ARL15: variants seen among roughly 807,000 people sequenced by gnomAD.
ARL15 encodes ARF like GTPase 15, also known as ADP-ribosylation factor-like protein 15.
A neutral mutation model predicts 25.2 loss-of-function variants in ARL15; 19 were observed. The ratio of observed to expected loss-of-function variants is 0.75; its 90% CI spans 0.53 to 1.10. The LOEUF (loss-of-function observed/expected upper bound fraction) is 1.10. ARL15 is among the 50% of genes least tolerant of loss of function. The pLI is 0.00. For synonymous variants in ARL15, 94 were observed against 86.8 expected, an observed-to-expected ratio of 1.08 and a Z score of -0.46; for missense variants, 220 against 246.0, an observed-to-expected ratio of 0.89 and a Z score of 0.71.
intron 4 of ARL15, among the ~76,000 whole-genome samples, chr5:53,915,937 T>C (rs188524456): frequency 6.6e-6 from 1 of 152,312 alleles, no homozygotes; most frequent in East Asian, 1.9e-4. Context: ...TTCTAAAACT[T>C]GCTCTTTCAC....
intron 4 of ARL15, among the ~76,000 whole-genome samples, chr5:54,101,442 A>G (rs760725736): frequency 6.6e-6 from 1 of 151,714 alleles, no homozygotes; most frequent in Non-Finnish European, 1.5e-5. Flanking sequence ...AAAGTCAGTC[A>G]TTGCTTCAAC....
chr5:53,910,024 A>G (rs1211074013), intron 4 of ARL15, among the ~76,000 whole-genome samples: 1 of 152,234 alleles, frequency 6.6e-6, no homozygotes, highest in East Asian at 1.9e-4. Context: ...TTTTAAGTCA[A>G]TAATAATTTA....
intron 1 of ARL15, among the ~76,000 whole-genome samples, chr5:54,259,518 C>T (rs577755686): frequency 5.9e-5 from 9 of 152,048 alleles, no homozygotes; most frequent in Non-Finnish European, 8.8e-5. Context: ...CCTGAAGTGA[C>T]GGCAAGTGAA....
At chr5:53,917,897 C>T (rs1012249505) in intron 4 of ARL15, among the ~76,000 whole-genome samples, 21 of 152,142 alleles carry the variant, frequency 1.4e-4, no homozygotes, top group Admixed American at 1.3e-3. Flanking sequence ...TTCCTTAAAA[C>T]GCTTTTGGTA....
chr5:54,108,815 T>C (rs1159228965), intron 4 of ARL15, among the ~76,000 whole-genome samples: 1 of 152,008 alleles, frequency 6.6e-6, no homozygotes, highest in Non-Finnish European at 1.5e-5. Context: ...TAAGTAGTTA[T>C]AATTAAATGT....
At chr5:53,980,568 T>A (rs982846295) in intron 4 of ARL15, among the ~76,000 whole-genome samples, 1 of 152,202 alleles carries the variant, frequency 6.6e-6, no homozygotes, top group African/African-American at 2.4e-5. Flanking sequence ...TGTGAGAAAT[T>A]ATCAGAATTT....
intron 3 of ARL15, 75 bp downstream of exon 3, chr5:54,154,505 G>A (rs546216855): frequency 1.1e-6 from 1 of 907,210 alleles, no homozygotes; most frequent in East Asian, 3.0e-5. Flanking sequence ...CATTATGTTT[G>A]AATTACATAT....
intron 1 of ARL15, among the ~76,000 whole-genome samples, chr5:54,238,801 G>T (rs1361538642): frequency 6.6e-6 from 1 of 152,198 alleles, no homozygotes; most frequent in Non-Finnish European, 1.5e-5. Flanking sequence ...TCAGAAACAG[G>T]AACGCTTGAC....
chr5:54,057,805 C>T (rs112881896), intron 4 of ARL15, among the ~76,000 whole-genome samples: 2 of 152,186 alleles, frequency 1.3e-5, no homozygotes, highest in African/African-American at 4.8e-5. Context: ...GCCATGGTTG[C>T]ACCTCTCGAC....
intron 4 of ARL15, among the ~76,000 whole-genome samples, chr5:53,947,895 A>G (rs1746802438): frequency 6.6e-6 from 1 of 152,216 alleles, no homozygotes; most frequent in Non-Finnish European, 1.5e-5. Context: ...GGAAGCAAGA[A>G]TCTAGTTTAG....
intron 4 of ARL15, among the ~76,000 whole-genome samples, chr5:54,052,227 C>T (rs1750724310): frequency 6.6e-6 from 1 of 151,678 alleles, no homozygotes; most frequent in African/African-American, 2.4e-5. Flanking sequence ...TAAGTATTTG[C>T]CAAAACCCAA....
chr5:53,970,297 C>T (rs917551252), intron 4 of ARL15, among the ~76,000 whole-genome samples: 2 of 152,120 alleles, frequency 1.3e-5, no homozygotes, highest in Non-Finnish European at 1.5e-5. Flanking sequence ...TACTGGTCTT[C>T]CGGTTGTGCC....
chr5:54,172,369 G>A (rs1265117452), intron 1 of ARL15, among the ~76,000 whole-genome samples: 1 of 151,164 alleles, frequency 6.6e-6, no homozygotes, highest in Non-Finnish European at 1.5e-5. Context: ...AGACTAAAAA[G>A]ACATAATAAT....
At chr5:53,939,976 A>T (rs1746485015) in intron 4 of ARL15, among the ~76,000 whole-genome samples, 1 of 116,406 alleles carries the variant, frequency 8.6e-6, no homozygotes, top group Non-Finnish European at 1.7e-5. Flanking sequence ...TAAAGTCCTG[A>T]ACTTTTTTTT....
intron 4 of ARL15, among the ~76,000 whole-genome samples, chr5:53,984,053 CT>C (rs1748211423): frequency 6.6e-6 from 1 of 152,200 alleles, no homozygotes; most frequent in South Asian, 2.1e-4. Context: ...TTTGCAAGCA[CT>C]CACATACTTA....
At chr5:54,038,429 T>C (rs532454252) in intron 4 of ARL15, among the ~76,000 whole-genome samples, 3 of 152,188 alleles carry the variant, frequency 2.0e-5, no homozygotes, top group African/African-American at 7.2e-5. Flanking sequence ...TGATAAATTG[T>C]TAAAACATAT....
At chr5:54,215,781 C>G (rs1756187366) in intron 1 of ARL15, among the ~76,000 whole-genome samples, 1 of 119,976 alleles carries the variant, frequency 8.3e-6, no homozygotes, top group Non-Finnish European at 1.6e-5. Flanking sequence ...TTGTAATTAC[C>G]TGTTTCAGTC....
At chr5:54,089,457 A>G (rs939804302) in intron 4 of ARL15, among the ~76,000 whole-genome samples, 1 of 152,208 alleles carries the variant, frequency 6.6e-6, no homozygotes, top group African/African-American at 2.4e-5. Flanking sequence ...ATGGAAAAGC[A>G]TTTGATAAAC....
chr5:54,150,474 G>C (rs1306996331), intron 3 of ARL15, among the ~76,000 whole-genome samples: 1 of 152,146 alleles, frequency 6.6e-6, no homozygotes, highest in Non-Finnish European at 1.5e-5. Context: ...AAATGTCTTT[G>C]AGCAGAGAGC....
Sources: gnomAD v4.1 joint callset for allele counts (sites outside exome capture counted in the v4.1 genomes callset) on GRCh38, gnomAD v4.1.1 for gene constraint, MANE v1.5 for transcripts, NCBI Gene and HGNC (gene_info 2026-07-23, HGNC 2026-07-21) for gene names.